Variants in SV2B observed in about 807,000 individuals in gnomAD.
SV2B encodes synaptic vesicle glycoprotein 2B.
SV2B carries 41 observed loss-of-function variants against 73.9 expected under a neutral mutation model. The ratio of observed to expected loss-of-function variants is 0.56; its 90% CI spans 0.43 to 0.72. SV2B has a LOEUF of 0.72. Among genes scored for constraint, SV2B ranks in the 30% least tolerant of loss-of-function variants. The pLI is 0.00. For synonymous variants in SV2B, 314 were observed against 314.2 expected, an observed-to-expected ratio of 1.00 and a Z score of 0.01; for missense variants, 764 against 857.8, an observed-to-expected ratio of 0.89 and a Z score of 1.37.
In SV2B at chr15:91,107,000, A is replaced by G. The variant is rs1309903896; in HGVS notation, c.-392+6637A>G. 6.6e-6 allele frequency among the ~76,000 whole-genome samples: 1 copy of G among 152,166 alleles called. No homozygotes were observed. Among genetic ancestry groups the G allele is most frequent in the African/African-American group, 2.4e-5 (1 of 41,428 alleles). On this transcript the variant is annotated intron_variant, in intron 1 of 12. Transcript: ENST00000394232. The surrounding 1 kb of genome is among the most constrained non-coding windows in gnomAD (Gnocchi z 4.4). ...TTCTTCTCGTGGTGTGTCTGATTCT[A>G]TATAAGTTTTGTTTGCAATGATGTT...
rs2048967396 is a variant in SV2B, at chr15:91,289,420, G to A, written c.1709-101G>A. On this transcript the variant is annotated intron_variant, in intron 11 of 12. Transcript: ENST00000394232. This position sits in a 1 kb window ranked among gnomAD's most constrained non-coding sequence, Gnocchi z 4.9. ...ATACTTCAGGCAGCCTTGGCTTCAG[G>A]TGTACCAGTGAGGGTGGGAGATGGG... 1.4e-6 allele frequency: 2 copies of A among 1,470,154 alleles called. No homozygotes were observed. The highest frequency in any genetic ancestry group is 4.5e-5 in the East Asian group (2 of 44,020). The allele number at this position is 1,470,154 out of a possible 1,614,324, so 91.1% of individuals were successfully genotyped here. A position where few individuals can be genotyped will look rare whatever the true frequency, so the allele number is the denominator to read the frequency against.
At position 91,298,090 on chromosome 15, in the gene SV2B, G is replaced by C. The variant is rs1250526180; in HGVS notation, c.*5538G>C. 2.0e-5 allele frequency: 3 copies of C among 152,220 alleles called. No individual in the cohort carries two copies. Among genetic ancestry groups the C allele is most frequent in the Admixed American group, 6.5e-5 (1 of 15,282 alleles). The allele number at this position is 152,220 out of a possible 1,614,324, so 9.4% of individuals were successfully genotyped here. On this transcript the variant is annotated 3_prime_UTR_variant, in exon 13 of 13. Transcript: ENST00000394232. The surrounding 1 kb of genome is among the most constrained non-coding windows in gnomAD (Gnocchi z 5.4). ...ACATGACTAGATGTGAACCTGACCT[G>C]CAGACAGTCCACCTGAACGTGCCTG...
At chr15:91,262,408 A>G (rs981567066) in intron 6 of SV2B, among the ~76,000 whole-genome samples, 2 of 152,224 alleles carry the variant, frequency 1.3e-5, no homozygotes, top group African/African-American at 4.8e-5. Context: ...TATTTTCTCA[A>G]TTCTAATGCT....
At chr15:91,117,010 G>A (rs960542378) in intron 1 of SV2B, among the ~76,000 whole-genome samples, 4 of 152,184 alleles carry the variant, frequency 2.6e-5, no homozygotes, top group Non-Finnish European at 4.4e-5. Context: ...CCCATGACAT[G>A]TGGGGATTAT....
Position 91,288,253 on chromosome 15 carries a change from A to T in SV2B, c.1709-1268A>T, listed in dbSNP as rs542340405. The stretch of plus-strand genomic sequence containing the variant: ...AAGCTCCATGAGAATGGATTTTTTT[A>T]AAAAATTATTTTTTTATTTTTAATG... On this transcript the variant is annotated intron_variant, in intron 11 of 12. Transcript: ENST00000394232. This position sits in a 1 kb window ranked among gnomAD's most constrained non-coding sequence, Gnocchi z 5.8. Among the ~76,000 whole-genome samples the T allele has an allele frequency of 7.6e-4, 116 of 152,284 alleles. No individual in the cohort carries two copies. Among genetic ancestry groups the T allele is most frequent in the African/African-American group, 2.5e-3 (102 of 41,560 alleles).
intron 1 of SV2B, among the ~76,000 whole-genome samples, chr15:91,160,815 GA>G (rs1434422319): frequency 3.3e-5 from 5 of 149,718 alleles, no homozygotes; most frequent in East Asian, 3.9e-4. Context: ...TACACATTTA[GA>G]AAAAAAAATA....
In SV2B at chr15:91,134,004, C is replaced by CTTTT. The variant is rs10637206; in HGVS notation, c.-392+33650_-392+33653dup. ...TGCCTCTTCACCACTTTCTTTCTTCCTTTTTTTTTTTTGAGATGGAGTCTT... is the reference window on the plus strand; with the variant it reads ...TGCCTCTTCACCACTTTCTTTCTTCCTTTTTTTTTTTTTTTTGAGATGGAGTCTT... On this transcript the variant is annotated intron_variant, in intron 1 of 12. Transcript: ENST00000394232. 1.2e-4 allele frequency among the ~76,000 whole-genome samples: 13 copies of CTTTT among 106,220 alleles called. 1 individual carries two copies. Among genetic ancestry groups the CTTTT allele is most frequent in the Middle Eastern group, 0.012 (2 of 164 alleles). The allele number at this position is 106,220 out of a possible 152,430, so 69.7% of individuals were successfully genotyped here.
In SV2B at chr15:91,197,425, T is replaced by C. The variant is rs1459885596; in HGVS notation, c.-391-28448T>C. On this transcript the variant is annotated intron_variant, in intron 1 of 12. Coordinates refer to ENST00000394232, the MANE Select transcript of SV2B (RefSeq NM_001323032.3). This position sits in a 1 kb window ranked among gnomAD's most constrained non-coding sequence, Gnocchi z 4.9. ...TTTTTGTAGAGATGGGGTTTCTCCA[T>C]GTTGGTCAGGCTGGTCTCAAACTCC... 6.6e-6 allele frequency among the ~76,000 whole-genome samples: 1 copy of C among 151,804 alleles called. No homozygotes were observed. The highest frequency in any genetic ancestry group is 2.4e-5 in the African/African-American group (1 of 41,358).
chr15:91,256,188 A>G (rs950515139), intron 4 of SV2B, among the ~76,000 whole-genome samples: 2 of 152,240 alleles, frequency 1.3e-5, no homozygotes, highest in African/African-American at 4.8e-5. Flanking sequence ...AAAGTAGGGC[A>G]AGCTAGAAGA....
chr15:91,144,705 G>T (rs6496763), intron 1 of SV2B, among the ~76,000 whole-genome samples: 4,377 of 152,210 alleles, frequency 0.029, 233 homozygotes, highest in African/African-American at 0.097. Flanking sequence ...AAGAGGACAC[G>T]GGATAGAGAC....
In SV2B at chr15:91,284,536, C is replaced by T. The variant is rs986736918; in HGVS notation, c.1708+315C>T. Among the ~76,000 whole-genome samples the T allele has an allele frequency of 1.3e-5, 2 of 152,082 alleles. No individual in the cohort carries two copies. The highest frequency in any genetic ancestry group is 1.9e-4 in the East Asian group (1 of 5,194). On this transcript the variant is annotated intron_variant, in intron 11 of 12. Transcript: ENST00000394232. This position sits in a 1 kb window ranked among gnomAD's most constrained non-coding sequence, Gnocchi z 4.5. ...ATAATATCCACCCTGCCTCTTCATC[C>T]GATTATTGTCAGAAAAATATATAAA...
chr15:91,279,174 A>G (rs2048602081), intron 9 of SV2B, among the ~76,000 whole-genome samples: 3 of 152,214 alleles, frequency 2.0e-5, no homozygotes, highest in South Asian at 2.1e-4. Flanking sequence ...AAGTGGTTTT[A>G]TAGCATACCT....
At chr15:91,168,301 C>CAAGAGAGAGAGAGAGA (rs148479247) in intron 1 of SV2B, among the ~76,000 whole-genome samples, 3 of 137,200 alleles carry the variant, frequency 2.2e-5, no homozygotes, top group African/African-American at 8.4e-5. Flanking sequence ...TGGTGAGATA[C>CAAGAGAGAGAGAGAGA]GAGAGAGAGA....
chr15:91,189,589 C>T (rs1025226451), intron 1 of SV2B, among the ~76,000 whole-genome samples: 1 of 152,236 alleles, frequency 6.6e-6, no homozygotes, highest in South Asian at 2.1e-4. Context: ...ATCATGTTAC[C>T]ATCTCACACA....
chr15:91,186,750 T>C (rs1370006009), intron 1 of SV2B, among the ~76,000 whole-genome samples: 1 of 152,158 alleles, frequency 6.6e-6, no homozygotes, highest in African/African-American at 2.4e-5. Flanking sequence ...AGAAATTATG[T>C]AATGAGTACA....
At position 91,297,101 on chromosome 15, in the gene SV2B, T is replaced by G. The variant is rs2049280836; in HGVS notation, c.*4549T>G. ...GCGCACGCTCCTTCTGCCTGATCGT[T>G]GGGAGCACGCTCCTTCTGCCTGATT... is the stretch of plus-strand genomic sequence containing the variant. On this transcript the variant is annotated 3_prime_UTR_variant, in exon 13 of 13. Transcript: ENST00000394232. The surrounding 1 kb of genome is among the most constrained non-coding windows in gnomAD (Gnocchi z 5.1). The G allele has an allele frequency of 6.4e-6, 1 of 156,090 alleles. No individual in the cohort carries two copies. Among genetic ancestry groups the G allele is most frequent in the Non-Finnish European group, 1.4e-5 (1 of 70,430 alleles). The allele number at this position is 156,090 out of a possible 1,614,324, so 9.7% of individuals were successfully genotyped here.
intron 1 of SV2B, among the ~76,000 whole-genome samples, chr15:91,146,734 A>G (rs1397881575): frequency 6.6e-6 from 1 of 152,216 alleles, no homozygotes; most frequent in East Asian, 1.9e-4. Flanking sequence ...GGACTACAGT[A>G]TAAAAAGTCA....
At position 91,296,310 on chromosome 15, in the gene SV2B, CAT is replaced by C. The variant is rs2049222649; in HGVS notation, c.*3761_*3762del. ...ACTGACCTGGGATTATGTTGGATGG[CAT>C]ATGACTGCAAATTCAAAGAAACCAA... On this transcript the variant is annotated 3_prime_UTR_variant, in exon 13 of 13. Coordinates refer to ENST00000394232, the MANE Select transcript of SV2B (RefSeq NM_001323032.3). The C allele has an allele frequency of 6.6e-6, 1 of 152,180 alleles. No individual in the cohort carries two copies. Among genetic ancestry groups the C allele is most frequent in the African/African-American group, 2.4e-5 (1 of 41,430 alleles). 9.4% of individuals were successfully genotyped at this position (152,180 alleles called of 1,614,324 possible). A position where few individuals can be genotyped will look rare whatever the true frequency, so the allele number is the denominator to read the frequency against.
At chr15:91,145,194 A>C (rs2043112332) in intron 1 of SV2B, among the ~76,000 whole-genome samples, 1 of 152,094 alleles carries the variant, frequency 6.6e-6, no homozygotes, top group African/African-American at 2.4e-5. Flanking sequence ...CCATGTGTCC[A>C]TGTGTTCTCA....
Sources: allele counts gnomAD v4.1 joint callset (sites outside exome capture counted in the v4.1 genomes callset), GRCh38; gene constraint gnomAD v4.1.1; non-coding constraint Gnocchi (gnomAD v3.1); transcripts MANE v1.5; gene names NCBI Gene and HGNC (gene_info 2026-07-23, HGNC 2026-07-21).